Variants in ANK3 observed in about 807,000 individuals in gnomAD.
ANK3 encodes ankyrin-3.
A neutral mutation model predicts 370.9 loss-of-function variants in ANK3; 57 were observed. The ratio of observed to expected loss-of-function variants is 0.15; its 90% CI spans 0.12 to 0.19. ANK3 has a LOEUF of 0.19. ANK3 is among the 10% of genes least tolerant of loss of function. The pLI is 1.00. For missense variants in ANK3, 4,439 were observed against 5,302.1 expected, an observed-to-expected ratio of 0.84 and a Z score of 5.06; for synonymous variants, 1,929 against 1,946.3, an observed-to-expected ratio of 0.99 and a Z score of 0.23.
At chr10:60,597,506 A>T (rs2078004235) in intron 2 of ANK3, among the ~76,000 whole-genome samples, 1 of 152,174 alleles carries the variant, frequency 6.6e-6, no homozygotes, top group Non-Finnish European at 1.5e-5. Flanking sequence ...TGACCAGTCA[A>T]GCGATGGGCA....
At chr10:60,576,491 A>T (rs1433675325) in intron 2 of ANK3, among the ~76,000 whole-genome samples, 3 of 152,220 alleles carry the variant, frequency 2.0e-5, no homozygotes, top group Non-Finnish European at 2.9e-5. Context: ...ACTGAATACA[A>T]TTGTTTGACT....
chr10:60,468,835 G>A (rs934745321), intron 2 of ANK3, among the ~76,000 whole-genome samples: 3 of 151,050 alleles, frequency 2.0e-5, no homozygotes, highest in African/African-American at 7.3e-5. Flanking sequence ...AAAAGATAGG[G>A]CTAAAATGAA....
intron 1 of ANK3, among the ~76,000 whole-genome samples, chr10:60,344,494 C>T (rs757967812): frequency 3.3e-4 from 50 of 152,110 alleles, no homozygotes; most frequent in Admixed American, 3.9e-4. Flanking sequence ...ACTACAAAGA[C>T]GCACAGCAAA....
chr10:60,503,728 A>C (rs750106934), intron 2 of ANK3, among the ~76,000 whole-genome samples: 1 of 152,164 alleles, frequency 6.6e-6, no homozygotes, highest in African/African-American at 2.4e-5. Flanking sequence ...TCTCCTTTTG[A>C]AGTTCTCCAC....
intron 1 of ANK3, among the ~76,000 whole-genome samples, chr10:60,719,030 C>T (rs953730386): frequency 9.2e-5 from 14 of 152,128 alleles, no homozygotes; most frequent in East Asian, 1.9e-4. Flanking sequence ...ATTCCATTCC[C>T]CTGAGACAAC....
At chr10:60,140,020 T>C (rs1300007431) in intron 23 of ANK3, 4 of 346,216 alleles carry the variant, frequency 1.2e-5, no homozygotes, top group African/African-American at 2.1e-5. Flanking sequence ...GGCCAAGAGA[T>C]TGCAAAAGTG....
intron 1 of ANK3, among the ~76,000 whole-genome samples, chr10:60,347,846 C>T (rs980848952): frequency 6.6e-6 from 1 of 152,268 alleles, no homozygotes; most frequent in Middle Eastern, 3.4e-3. Flanking sequence ...TCAGCTGATG[C>T]TGATTCTGTT....
chr10:60,455,781 A>G (rs1333152113), intron 2 of ANK3, among the ~76,000 whole-genome samples: 1 of 152,188 alleles, frequency 6.6e-6, no homozygotes, highest in African/African-American at 2.4e-5. Flanking sequence ...TTATCAGCCA[A>G]TGTCAACTCA....
chr10:60,401,310 C>T (rs2063348052), intron 2 of ANK3, among the ~76,000 whole-genome samples: 2 of 152,164 alleles, frequency 1.3e-5, no homozygotes, highest in South Asian at 4.1e-4. Flanking sequence ...TGCTGTATAT[C>T]TTTGCACTGA....
At chr10:60,535,565 C>T (rs1305783236) in intron 2 of ANK3, among the ~76,000 whole-genome samples, 1 of 151,924 alleles carries the variant, frequency 6.6e-6, no homozygotes, top group South Asian at 2.1e-4. Flanking sequence ...CAAGACTTAG[C>T]AATAAAGAGG....
At chr10:60,090,714 C>T (rs1391847787) in intron 28 of ANK3, among the ~76,000 whole-genome samples, 1 of 152,214 alleles carries the variant, frequency 6.6e-6, no homozygotes, top group African/African-American at 2.4e-5. Context: ...GAGATACTAT[C>T]TCCCTCCACA....
At chr10:60,606,740 C>G (rs553124012) in intron 2 of ANK3, among the ~76,000 whole-genome samples, 2 of 152,182 alleles carry the variant, frequency 1.3e-5, no homozygotes, top group Non-Finnish European at 2.9e-5. Flanking sequence ...ACATTCCCTA[C>G]CCAGCCGAGA....
intron 7 of ANK3, among the ~76,000 whole-genome samples, chr10:60,256,862 C>T (rs1342493894): frequency 6.6e-6 from 1 of 152,154 alleles, no homozygotes; most frequent in East Asian, 1.9e-4. Flanking sequence ...TTTTCTTCAT[C>T]CAGTCCACTG....
At chr10:60,614,611 G>C (rs2133321861) in intron 2 of ANK3, among the ~76,000 whole-genome samples, 1 of 152,244 alleles carries the variant, frequency 6.6e-6, no homozygotes, top group Admixed American at 6.5e-5. Flanking sequence ...CACTATATAG[G>C]GGAAAGGTAG....
chr10:60,733,247 GC>G, intron 1 of ANK3: 8 of 1,240,724 alleles, frequency 6.4e-6, no homozygotes, highest in Non-Finnish European at 8.0e-6. Flanking sequence ...AGGTAGGGGG[GC>G]GGCGCGGCGC....
Position 60,074,984 on chromosome 10 carries a change from A to C in ANK3, c.5897T>G (p.Val1966Gly), listed in dbSNP as rs1362554860. 1 of 1,614,088 alleles carries C rather than the reference A, an allele frequency of 6.2e-7. No individual in the cohort carries two copies. The change falls in exon 37 of 44, where the codon GTA (valine) becomes GGA (glycine). Residue 1966 changes from valine (V) to glycine (G), a missense_variant. Physicochemically the swap from Val to Gly is moderately radical, Grantham distance 109. This residue lies in a region of ANK3 where 679 missense variants were observed against 791.0 expected (regional missense o/e 0.86). Transcript: ENST00000280772. ...GGGTGATCCTTTATTATCTACACATACATCCTTTTTAAGGATTTCACTAAC... is the reference window on the plus strand; with the variant it reads ...GGGTGATCCTTTATTATCTACACATCCATCCTTTTTAAGGATTTCACTAAC... ...VKVSEILKKDVCVDNKGSPKS... is the reference protein window; with the variant it reads ...VKVSEILKKDGCVDNKGSPKS...
At chr10:60,238,555 C>T (rs2097369799) in intron 7 of ANK3, among the ~76,000 whole-genome samples, 1 of 152,064 alleles carries the variant, frequency 6.6e-6, no homozygotes, top group Admixed American at 6.5e-5. Flanking sequence ...TAGCCTAGCA[C>T]AGAGTAACAA....
At chr10:60,701,021 C>T (rs918870255) in intron 1 of ANK3, among the ~76,000 whole-genome samples, 6 of 151,510 alleles carry the variant, frequency 4.0e-5, no homozygotes, top group African/African-American at 1.5e-4. Context: ...TGATTTACAT[C>T]ACAAATGAAG....
chr10:60,166,488 A>G (rs182261306), intron 23 of ANK3, 103 bp downstream of exon 23: 1 of 860,704 alleles, frequency 1.2e-6, no homozygotes, highest in East Asian at 2.7e-5. Flanking sequence ...TCAAGATAAT[A>G]TGAAAAGTTA....
Sources: gnomAD v4.1 joint callset for allele counts (sites outside exome capture counted in the v4.1 genomes callset) on GRCh38, gnomAD v4.1.1 for gene constraint, gnomAD v4.1.1 regional missense constraint, MANE v1.5 for transcripts, NCBI Gene and HGNC (gene_info 2026-07-23, HGNC 2026-07-21) for gene names.